AOPEP: variants seen among roughly 807,000 people sequenced by gnomAD.
The protein encoded by AOPEP is aminopeptidase O (putative).
A neutral mutation model predicts 98.1 loss-of-function variants in AOPEP; 77 were observed. The ratio of observed to expected loss-of-function variants is 0.78; its 90% CI spans 0.65 to 0.95. AOPEP has a LOEUF of 0.95. Among genes scored for constraint, AOPEP ranks in the 40% least tolerant of loss-of-function variants. AOPEP has a pLI of 0.00. For synonymous variants in AOPEP, 346 were observed against 365.3 expected (o/e 0.95, Z 0.60); for missense variants, 1,024 against 1,024.7 (o/e 1.00, Z 0.01).
rs1181857811 is a variant in AOPEP, at chr9:94,933,456, T to TATCG, written c.1661+4926_1661+4929dup. ...TCCTGCTGAGGAAAACGTTAAAATG[T>TATCG]ATCGCTTTAAGGAGGTGCAACAGGC... On this transcript the variant is annotated intron_variant, in intron 7 of 16. Transcript: ENST00000375315. 121 of 985,362 alleles carry TATCG rather than the reference T, an allele frequency of 1.2e-4. No individual in the cohort carries two copies. In the African/African-American group the frequency reaches 2.0e-3, roughly 16 times the overall value. 61.0% of individuals were successfully genotyped at this position (985,362 alleles called of 1,614,324 possible).
chr9:94,731,065 A>G (rs1190067491), intron 1 of AOPEP, among the ~76,000 whole-genome samples: 2 of 152,122 alleles, frequency 1.3e-5, no homozygotes, highest in Admixed American at 1.3e-4. Context: ...CAGCAGCAGG[A>G]CAGCCTCAGA....
Position 94,760,720 on chromosome 9 carries a change from C to T in AOPEP, c.797+140C>T, listed in dbSNP as rs1838068455. The T allele has an allele frequency of 6.5e-6, 4 of 617,710 alleles. No homozygotes were observed. The South Asian group carries it at 9.9e-5, about 15-fold the overall frequency. The allele number at this position is 617,710 out of a possible 1,614,324, so 38.3% of individuals were successfully genotyped here. A position where few individuals can be genotyped will look rare whatever the true frequency, so the allele number is the denominator to read the frequency against. On this transcript the variant is annotated intron_variant, in intron 2 of 16. Coordinates refer to ENST00000375315, the MANE Select transcript of AOPEP (RefSeq NM_001193329.3). ...CCCAAGTAGCCTCAAATCCTTAGACCTACAGTGAAGCAGGTAAATTCCCAG... is the reference window on the plus strand; with the variant it reads ...CCCAAGTAGCCTCAAATCCTTAGACTTACAGTGAAGCAGGTAAATTCCCAG...
chr9:94,859,059 C>CAGTG (rs2044611953), intron 5 of AOPEP, among the ~76,000 whole-genome samples: 1 of 146,946 alleles, frequency 6.8e-6, no homozygotes, highest in South Asian at 2.2e-4. Context: ...GTGGAGGTTG[C>CAGTG]AGTGAGCTGA....
intron 3 of AOPEP, among the ~76,000 whole-genome samples, chr9:94,780,359 T>A (rs1039658483): frequency 2.0e-5 from 3 of 152,238 alleles, no homozygotes; most frequent in African/African-American, 7.2e-5. Flanking sequence ...GTGGACCTTT[T>A]TTTTTCCCCA....
intron 13 of AOPEP, among the ~76,000 whole-genome samples, chr9:95,043,249 G>GATATATATATATATATATATATAC (rs200156115): frequency 3.5e-5 from 1 of 28,588 alleles, no homozygotes; most frequent in African/African-American, 8.1e-5. Context: ...GATATATACA[G>GATATATATATATATATATATATAC]ATATATATAT....
At chr9:94,783,643 T>G (rs527479835) in intron 3 of AOPEP, among the ~76,000 whole-genome samples, 150 of 152,232 alleles carry the variant, frequency 9.9e-4, no homozygotes, top group South Asian at 1.7e-3. Flanking sequence ...AATGGGGAGC[T>G]CTCTCTCCTT....
At chr9:95,130,094 T>A in the AOPEP span, among the ~76,000 whole-genome samples, 1 of 152,182 alleles carries the variant, frequency 6.6e-6, no homozygotes, top group African/African-American at 2.4e-5. Context: ...GGCCAACTTG[T>A]CACTCTGCAC....
At chr9:95,046,606 G>T (rs2065887742) in intron 13 of AOPEP, among the ~76,000 whole-genome samples, 1 of 152,322 alleles carries the variant, frequency 6.6e-6, no homozygotes, top group Non-Finnish European at 1.5e-5. Context: ...TACACGAAGA[G>T]ATCGACCCAG....
At chr9:95,010,718 C>T (rs537650992) in intron 13 of AOPEP, among the ~76,000 whole-genome samples, 2 of 152,274 alleles carry the variant, frequency 1.3e-5, no homozygotes, top group Admixed American at 1.3e-4. Context: ...ACCAGCCTAC[C>T]CGTTTTCCCT....
At chr9:95,013,551 G>A (rs1245792923) in intron 13 of AOPEP, among the ~76,000 whole-genome samples, 1 of 151,954 alleles carries the variant, frequency 6.6e-6, no homozygotes, top group African/African-American at 2.4e-5. Flanking sequence ...ATACTATGCT[G>A]TACCCTTTAT....
At chr9:94,872,153 T>A (rs1490802274) in intron 5 of AOPEP, among the ~76,000 whole-genome samples, 1 of 151,882 alleles carries the variant, frequency 6.6e-6, no homozygotes, top group African/African-American at 2.4e-5. Flanking sequence ...TTGGGATGAG[T>A]TTTTCTGGGT....
intron 7 of AOPEP, 84 bp downstream of exon 7, chr9:94,928,615 CTG>C (rs2054767039): frequency 3.3e-6 from 3 of 918,200 alleles, no homozygotes; most frequent in Admixed American, 2.4e-5. Flanking sequence ...ATGACATCTG[CTG>C]TGTTTCCTTT....
At chr9:94,755,809 T>G (rs756774785) in intron 1 of AOPEP, among the ~76,000 whole-genome samples, 1 of 152,232 alleles carries the variant, frequency 6.6e-6, no homozygotes, top group Non-Finnish European at 1.5e-5. Context: ...ATGGGTGACC[T>G]TGAGCAAATT....
chr9:94,783,383 T>C (rs1039552649), intron 3 of AOPEP, among the ~76,000 whole-genome samples: 14 of 152,244 alleles, frequency 9.2e-5, no homozygotes, highest in Non-Finnish European at 1.5e-4. Flanking sequence ...CCTGGCACAT[T>C]GCCCTGGTTA....
At chr9:95,116,461 A>C in the AOPEP span, among the ~76,000 whole-genome samples, 1 of 152,232 alleles carries the variant, frequency 6.6e-6, no homozygotes, top group African/African-American at 2.4e-5. Context: ...GAAACTTTGA[A>C]TCATTTGCAT....
rs137955329 is a variant in AOPEP at position 94,829,195 on chromosome 9, T to TACAC, written c.1364+28208_1364+28211dup. On this transcript the variant is annotated intron_variant, in intron 5 of 16. Coordinates refer to ENST00000375315, the MANE Select transcript of AOPEP (RefSeq NM_001193329.3). ...CTAAGTTTCAAGATATAAACCAGTT[T>TACAC]ACACACACACACACACACGCACACG... Among the ~76,000 whole-genome samples the TACAC allele has an allele frequency of 5.8e-4, 88 of 150,550 alleles. No homozygotes were observed. The East Asian group carries it at 0.012, about 21-fold the overall frequency.
the AOPEP span, among the ~76,000 whole-genome samples, chr9:95,142,270 G>C: frequency 6.6e-6 from 1 of 152,042 alleles, no homozygotes; most frequent in Admixed American, 6.6e-5. Flanking sequence ...TGGGATTACA[G>C]GTGTGAGCCA....
the AOPEP span, among the ~76,000 whole-genome samples, chr9:95,122,158 C>T: frequency 2.6e-5 from 4 of 151,998 alleles, no homozygotes; most frequent in Non-Finnish European, 5.9e-5. Context: ...ACGCCTGGCA[C>T]ATAAAATTCA....
In AOPEP at chr9:94,733,090, A is replaced by G. The variant is rs145836435; in HGVS notation, c.-136+6339A>G. Among the ~76,000 whole-genome samples the G allele has an allele frequency of 9.3e-3, 1,404 of 150,914 alleles. 6 individuals carry two copies. Among genetic ancestry groups the G allele is most frequent in the Middle Eastern group, 0.031 (9 of 294 alleles). On this transcript the variant is annotated intron_variant, in intron 1 of 16. Coordinates refer to ENST00000375315, the MANE Select transcript of AOPEP (RefSeq NM_001193329.3). ...CATGGTTACTGTATATGCTGTGTTTAATCATTTTCTTTCTCTTTTTTTTTT... is the reference window on the plus strand; with the variant it reads ...CATGGTTACTGTATATGCTGTGTTTGATCATTTTCTTTCTCTTTTTTTTTT...
Sources: allele counts gnomAD v4.1 joint callset (sites outside exome capture counted in the v4.1 genomes callset), GRCh38; gene constraint gnomAD v4.1.1; transcripts MANE v1.5; gene names NCBI Gene and HGNC (gene_info 2026-07-23, HGNC 2026-07-21).